GORASP1: variants seen among roughly 807,000 people sequenced by gnomAD.
GORASP1 encodes Golgi reassembly-stacking protein 1.
Under a neutral mutation model 37.7 loss-of-function variants are expected in GORASP1, and 31 were observed. The observed-to-expected ratio is 0.82, with a 90% CI of 0.62 to 1.11. The LOEUF (loss-of-function observed/expected upper bound fraction) is 1.11. Among genes scored for constraint, GORASP1 ranks in the 50% least tolerant of loss-of-function variants. GORASP1 has a pLI of 0.00. For synonymous variants in GORASP1, 204 were observed against 224.8 expected, an observed-to-expected ratio of 0.91 and a Z score of 0.83; for missense variants, 476 against 560.7, an observed-to-expected ratio of 0.85 and a Z score of 1.53.
At chr3:39,107,221 A>T in intron 1 of GORASP1, 1 of 533,484 alleles carries the variant, frequency 1.9e-6, no homozygotes, top group East Asian at 4.1e-5. Flanking sequence ...GACCAGGAAA[A>T]CGCTCCGCTT....
At chr3:39,101,353 C>G in intron 3 of GORASP1, 1 of 598,638 alleles carries the variant, frequency 1.7e-6, no homozygotes, top group Admixed American at 2.6e-5. Context: ...ACCCCGGGCT[C>G]AACCCCTGGC....
intron 1 of GORASP1, among the ~76,000 whole-genome samples, chr3:39,104,047 C>G (rs2035886159): frequency 6.6e-6 from 1 of 152,158 alleles, no homozygotes; most frequent in Non-Finnish European, 1.5e-5. Context: ...GCAGCCAGGT[C>G]CCAGCTTGCA....
rs960292100 is a variant in GORASP1, at chr3:39,103,012, G to A, written c.145-131C>T. ...CTCAGCAGGGTCACTGTGGGGATGG[G>A]CCAAGGTAGTGGATGGGCCAGGTTC... On this transcript the variant is annotated intron_variant, in intron 2 of 8. Coordinates refer to ENST00000319283, the MANE Select transcript of GORASP1 (RefSeq NM_031899.4). The surrounding 1 kb of genome is among the most constrained non-coding windows in gnomAD (Gnocchi z 5.2). 1.7e-5 allele frequency: 15 copies of A among 861,634 alleles called. No homozygotes were observed. The highest frequency in any genetic ancestry group is 2.9e-5 in the Non-Finnish European group (15 of 517,170). 53.4% of individuals were successfully genotyped at this position (861,634 alleles called of 1,614,324 possible).
chr3:39,098,549 G>A lies in GORASP1; in HGVS notation c.1070-60C>T. 1 of 1,561,832 alleles carries A rather than the reference G, an allele frequency of 6.4e-7. No individual in the cohort carries two copies. The highest frequency in any genetic ancestry group is 2.2e-5 in the East Asian group (1 of 44,450). On this transcript the variant is annotated intron_variant, in intron 8 of 8. Coordinates refer to ENST00000319283, the MANE Select transcript of GORASP1 (RefSeq NM_031899.4). The surrounding 1 kb of genome is among the most constrained non-coding windows in gnomAD (Gnocchi z 4.7). ...AAGAACCTAGGGCCATGGTGTTAGG[G>A]CCAGTAACCCCACCGACCGCTCCCC...
In GORASP1 at chr3:39,100,264, G is replaced by T; in HGVS notation, c.765+41C>A. 1 of 1,581,328 alleles carries T rather than the reference G, an allele frequency of 6.3e-7. No homozygotes were observed. Among genetic ancestry groups the T allele is most frequent in the South Asian group, 1.1e-5 (1 of 90,414 alleles). Reference sequence around the variant, plus strand: ...GATGGCTCCCCAAGGGCAGCCTCTAGAGTTTTCTGTCTTCCCAGTTGGCAG... The same window carrying T: ...GATGGCTCCCCAAGGGCAGCCTCTATAGTTTTCTGTCTTCCCAGTTGGCAG... On this transcript the variant is annotated intron_variant, in intron 6 of 8. Coordinates refer to ENST00000319283, the MANE Select transcript of GORASP1 (RefSeq NM_031899.4). The surrounding 1 kb of genome is among the most constrained non-coding windows in gnomAD (Gnocchi z 4.6).
At position 39,098,228 on chromosome 3, in the gene GORASP1, C is replaced by G. The variant is rs1366919679; in HGVS notation, c.*8G>C. 1 of 1,612,778 alleles carries G rather than the reference C, an allele frequency of 6.2e-7. No individual in the cohort carries two copies. The highest frequency in any genetic ancestry group is 8.5e-7 in the Non-Finnish European group (1 of 1,179,382). On this transcript the variant is annotated 3_prime_UTR_variant, in exon 9 of 9. Coordinates refer to ENST00000319283, the MANE Select transcript of GORASP1 (RefSeq NM_031899.4). This position sits in a 1 kb window ranked among gnomAD's most constrained non-coding sequence, Gnocchi z 4.7. ...ATGTCATCATGGGCCTTGTCACAGC[C>G]CAGGGTGTTATTCTGTGGTAGAGAT...
chr3:39,105,863 T>G lies in GORASP1; in HGVS notation c.63+1616A>C, dbSNP rs1276636156. ...AAGCACACCAGCCTCACCTGGCATT[T>G]CCTCAAACACACAAGCACAACCTAC... On this transcript the variant is annotated intron_variant, in intron 1 of 8. Transcript: ENST00000319283. The surrounding 1 kb of genome is among the most constrained non-coding windows in gnomAD (Gnocchi z 5.4). Among the ~76,000 whole-genome samples the G allele has an allele frequency of 6.6e-6, 1 of 152,186 alleles. No individual in the cohort carries two copies. Among genetic ancestry groups the G allele is most frequent in the Non-Finnish European group, 1.5e-5 (1 of 68,026 alleles).
Position 39,096,670 on chromosome 3 carries a change from AAGTGT to A in GORASP1, c.*1561_*1565del, listed in dbSNP as rs1246116192. 1 of 152,244 alleles carries A rather than the reference AAGTGT, an allele frequency of 6.6e-6. No homozygotes were observed. The highest frequency in any genetic ancestry group is 2.4e-5 in the African/African-American group (1 of 41,462). 9.4% of individuals were successfully genotyped at this position (152,244 alleles called of 1,614,324 possible). ...TAAAGGCTTTAGTTAAAATATTTCA[AAGTGT>A]AGTACACATTTATTTTCATTTGTTA... On this transcript the variant is annotated 3_prime_UTR_variant, in exon 9 of 9. Transcript: ENST00000319283.
Position 39,098,580 on chromosome 3 carries a change from C to T in GORASP1, c.1070-91G>A. On this transcript the variant is annotated intron_variant, in intron 8 of 8. Coordinates refer to ENST00000319283, the MANE Select transcript of GORASP1 (RefSeq NM_031899.4). The surrounding 1 kb of genome is among the most constrained non-coding windows in gnomAD (Gnocchi z 4.7). ...AACCCCACCGACCGCTCCCCATTGCCACTCCAGGTTTGATGGGGGATTGGA... is the reference window on the plus strand; with the variant it reads ...AACCCCACCGACCGCTCCCCATTGCTACTCCAGGTTTGATGGGGGATTGGA... 2 of 1,522,200 alleles carry T rather than the reference C, an allele frequency of 1.3e-6. No individual in the cohort carries two copies. The highest frequency in any genetic ancestry group is 1.8e-6 in the Non-Finnish European group (2 of 1,127,370). 94.3% of individuals were successfully genotyped at this position (1,522,200 alleles called of 1,614,324 possible).
At position 39,100,811 on chromosome 3, in the gene GORASP1, A is replaced by G. The variant is rs770199823; in HGVS notation, c.502T>C (p.Ser168Pro). Residue 168 changes from serine (S) to proline (P), a missense_variant, in exon 5 of 9, where the codon TCC becomes CCC. By Grantham distance (74) the Ser-to-Pro change is moderately conservative. Coordinates refer to ENST00000319283, the MANE Select transcript of GORASP1 (RefSeq NM_031899.4). This position sits in a 1 kb window ranked among gnomAD's most constrained non-coding sequence, Gnocchi z 4.6. ...GKPLKLMVYN[S>P]KSDSCREVTV... The stretch of plus-strand genomic sequence containing the variant: ...ACCTCCCGGCAGGAGTCTGACTTGG[A>G]GTTATACACCATCAGCTTCAAGGGC... The G allele has an allele frequency of 1.2e-6, 2 of 1,614,142 alleles. No individual in the cohort carries two copies. The highest frequency in any genetic ancestry group is 1.7e-6 in the Non-Finnish European group (2 of 1,180,004).
At position 39,107,537 on chromosome 3, in the gene GORASP1, C is replaced by A; in HGVS notation, c.5G>T (p.Gly2Val). The A allele has an allele frequency of 6.6e-7, 1 of 1,505,552 alleles. No individual in the cohort carries two copies. The highest frequency in any genetic ancestry group is 8.8e-7 in the Non-Finnish European group (1 of 1,136,930). The allele number at this position is 1,505,552 out of a possible 1,614,324, so 93.3% of individuals were successfully genotyped here. A position where few individuals can be genotyped will look rare whatever the true frequency, so the allele number is the denominator to read the frequency against. Residue 2 changes from glycine to valine, a missense_variant, in exon 1 of 9, where the codon GGC (glycine) becomes GTC (valine). By Grantham distance (109) the Gly-to-Val change is moderately radical. Coordinates refer to ENST00000319283, the MANE Select transcript of GORASP1 (RefSeq NM_031899.4). M[G>V]LGVSAEQPAG... ...GGGCTGCTCAGCGCTGACGCCCAGGCCCATGGCAGCGGCTCCGCTCGGCAC... is the reference window on the plus strand; with the variant it reads ...GGGCTGCTCAGCGCTGACGCCCAGGACCATGGCAGCGGCTCCGCTCGGCAC...
At position 39,101,409 on chromosome 3, in the gene GORASP1, C is replaced by T. The variant is rs932165953; in HGVS notation, c.349-307G>A. The T allele has an allele frequency of 3.7e-5, 21 of 560,548 alleles. No homozygotes were observed. In the East Asian group the frequency reaches 4.0e-4, roughly 11 times the overall value. 34.7% of individuals were successfully genotyped at this position (560,548 alleles called of 1,614,324 possible). On this transcript the variant is annotated intron_variant, in intron 3 of 8. Transcript: ENST00000319283. ...ACTATAAACACATTATTGAACCTCT[C>T]CTAGCCTCAGTTTCCCCACAATTAA...
Position 39,103,354 on chromosome 3 carries a change from G to A in GORASP1, c.144+119C>T. The A allele has an allele frequency of 1.4e-6, 1 of 725,684 alleles. No homozygotes were observed. The highest frequency in any genetic ancestry group is 2.3e-6 in the Non-Finnish European group (1 of 431,484). The allele number at this position is 725,684 out of a possible 1,614,324, so 45.0% of individuals were successfully genotyped here. A position where few individuals can be genotyped will look rare whatever the true frequency, so the allele number is the denominator to read the frequency against. ...ACAGCCCTGGAAGAAGGGGAGACAG[G>A]GCTGGGACTCCCTTTAGAAAAAAAG... On this transcript the variant is annotated intron_variant, in intron 2 of 8. Transcript: ENST00000319283. This position sits in a 1 kb window ranked among gnomAD's most constrained non-coding sequence, Gnocchi z 5.2.
intron 1 of GORASP1, among the ~76,000 whole-genome samples, chr3:39,106,418 C>A (rs967966089): frequency 5.3e-5 from 8 of 152,156 alleles, no homozygotes; most frequent in Admixed American, 5.2e-4. Context: ...GGATGCATTC[C>A]ACTGTCCACG....
intron 6 of GORASP1, 97 bp from the exon 7 acceptor site, chr3:39,099,600 C>G (rs374444780): frequency 8.0e-7 from 1 of 1,244,946 alleles, no homozygotes; most frequent in African/African-American, 1.5e-5. Context: ...CCACTTGTCC[C>G]AGGAACACTG....
chr3:39,106,976 A>AGCCCTTACG (rs1559653309), intron 1 of GORASP1: 1 of 425,490 alleles, frequency 2.4e-6, no homozygotes, highest in East Asian at 8.2e-5. Flanking sequence ...TACCCTCGGA[A>AGCCCTTACG]GCCCTTACGA....
intron 1 of GORASP1, chr3:39,106,995 C>A: frequency 2.2e-6 from 1 of 449,986 alleles, no homozygotes; most frequent in Non-Finnish European, 4.5e-6. Context: ...GACCCTACGA[C>A]TGGCAGGACG....
At position 39,102,157 on chromosome 3, in the gene GORASP1, C is replaced by T. The variant is rs2035760101; in HGVS notation, c.348+521G>A. On this transcript the variant is annotated intron_variant, in intron 3 of 8. Coordinates refer to ENST00000319283, the MANE Select transcript of GORASP1 (RefSeq NM_031899.4). The surrounding 1 kb of genome is among the most constrained non-coding windows in gnomAD (Gnocchi z 5.0). ...CTGTTGCTCCTAGGCTACAAACCTG[C>T]ACAGCATGTTACTATACTGAGTACT... Among the ~76,000 whole-genome samples, 1 of 152,172 alleles carries T rather than the reference C, an allele frequency of 6.6e-6. No homozygotes were observed. The highest frequency in any genetic ancestry group is 2.1e-4 in the South Asian group (1 of 4,836).
In GORASP1 at chr3:39,100,183, G is replaced by T; in HGVS notation, c.765+122C>A. ...CAGGCATGGCCTGCCTGCTCCCACTGGGTCCCAGAAGTACATGGGCCTCTC... is the reference window on the plus strand; with the variant it reads ...CAGGCATGGCCTGCCTGCTCCCACTTGGTCCCAGAAGTACATGGGCCTCTC... On this transcript the variant is annotated intron_variant, in intron 6 of 8. Coordinates refer to ENST00000319283, the MANE Select transcript of GORASP1 (RefSeq NM_031899.4). The surrounding 1 kb of genome is among the most constrained non-coding windows in gnomAD (Gnocchi z 4.6). 1.1e-6 allele frequency: 1 copy of T among 892,722 alleles called. No individual in the cohort carries two copies. The highest frequency in any genetic ancestry group is 1.8e-6 in the Non-Finnish European group (1 of 550,070). The allele number at this position is 892,722 out of a possible 1,614,324, so 55.3% of individuals were successfully genotyped here. A position where few individuals can be genotyped will look rare whatever the true frequency, so the allele number is the denominator to read the frequency against.
Sources: allele counts gnomAD v4.1 joint callset (sites outside exome capture counted in the v4.1 genomes callset), GRCh38; gene constraint gnomAD v4.1.1; non-coding constraint Gnocchi (gnomAD v3.1); transcripts MANE v1.5; gene names NCBI Gene and HGNC (gene_info 2026-07-23, HGNC 2026-07-21).